Variants in MSL1 observed in about 807,000 individuals in gnomAD.
MSL1 encodes MSL complex subunit 1.
A neutral mutation model predicts 64.6 loss-of-function variants in MSL1; 21 were observed. The observed-to-expected ratio is 0.33, with a 90% CI of 0.23 to 0.47. The LOEUF (loss-of-function observed/expected upper bound fraction) is 0.47, where lower values mean the gene tolerates loss of function less well. Among genes scored for constraint, MSL1 ranks in the 20% least tolerant of loss-of-function variants. The probability of loss-of-function intolerance (pLI) is 1.00; values close to 1 mark genes in which losing one functional copy is unlikely to be tolerated. For missense variants in MSL1, 664 were observed against 793.2 expected, an observed-to-expected ratio of 0.84 and a Z score of 1.96; for synonymous variants, 339 against 329.6, an observed-to-expected ratio of 1.03 and a Z score of -0.31.
At chr17:40,127,674 C>T (rs575738426) in intron 2 of MSL1, among the ~76,000 whole-genome samples, 3 of 152,278 alleles carry the variant, frequency 2.0e-5, no homozygotes, top group South Asian at 4.1e-4. Flanking sequence ...GAGACAGGCT[C>T]TCACTTTGTT....
chr17:40,122,391 C>T lies in MSL1; in HGVS notation c.-222C>T. The T allele has an allele frequency of 3.1e-6, 1 of 317,974 alleles. No homozygotes were observed. The highest frequency in any genetic ancestry group is 5.0e-5 in the Admixed American group (1 of 19,966). 19.7% of individuals were successfully genotyped at this position (317,974 alleles called of 1,614,324 possible). ...CGGCAGCAGAGGCGGCGGCGAGGCC[C>T]CCATGGGCCGGCGGCGGGCCTCAGC... is the stretch of plus-strand genomic sequence containing the variant. On this transcript the variant is annotated 5_prime_UTR_variant, in exon 1 of 9. Transcript: ENST00000398532. This position sits in a 1 kb window ranked among gnomAD's most constrained non-coding sequence, Gnocchi z 4.2.
At chr17:40,126,122 A>G in intron 1 of MSL1, 61 bp from the exon 2 acceptor site, 1 of 1,454,946 alleles carries the variant, frequency 6.9e-7, no homozygotes, top group Non-Finnish European at 9.6e-7. Context: ...AAATGGGGCT[A>G]AGTATCTGTG....
chr17:40,122,587 G>A lies in MSL1; in HGVS notation c.-26G>A, dbSNP rs1360018046. 4 of 1,348,766 alleles carry A rather than the reference G, an allele frequency of 3.0e-6. No homozygotes were observed. Among genetic ancestry groups the A allele is most frequent in the Non-Finnish European group, 3.8e-6 (4 of 1,049,958 alleles). 83.5% of individuals were successfully genotyped at this position (1,348,766 alleles called of 1,614,324 possible). A position where few individuals can be genotyped will look rare whatever the true frequency, so the allele number is the denominator to read the frequency against. On this transcript the variant is annotated 5_prime_UTR_variant, in exon 1 of 9. Coordinates refer to ENST00000398532, the MANE Select transcript of MSL1 (RefSeq NM_001365919.1). This position sits in a 1 kb window ranked among gnomAD's most constrained non-coding sequence, Gnocchi z 4.2. ...CCTTCCCCACCCCCTCCTCCGCCTC[G>A]GTGCCCGGCGCTGCTCCGGACCACT...
At position 40,126,143 on chromosome 17, in the gene MSL1, T is replaced by G. The variant is rs774621775; in HGVS notation, c.769-40T>G. 3.8e-6 allele frequency: 6 copies of G among 1,585,114 alleles called. No individual in the cohort carries two copies. The Admixed American group carries it at 8.4e-5, about 22-fold the overall frequency. ...GGCTAAGTATCTGTGTGTTTAATTT[T>G]TTATGTGTTAAGTCTGCATTTTGCT... On this transcript the variant is annotated intron_variant, in intron 1 of 8. Coordinates refer to ENST00000398532, the MANE Select transcript of MSL1 (RefSeq NM_001365919.1).
At chr17:40,127,376 T>C (rs1988344186) in intron 2 of MSL1, among the ~76,000 whole-genome samples, 1 of 151,686 alleles carries the variant, frequency 6.6e-6, no homozygotes, top group Admixed American at 6.6e-5. Flanking sequence ...GGAACTGTCC[T>C]TGGACTCAAA....
Position 40,132,045 on chromosome 17 carries a change from AG to A in MSL1, c.1438del (p.Asp480ThrfsTer4). The A allele has an allele frequency of 6.3e-7, 1 of 1,596,512 alleles. No individual in the cohort carries two copies. The highest frequency in any genetic ancestry group is 1.1e-5 in the South Asian group (1 of 88,258). On this transcript the variant is annotated frameshift_variant, in exon 5 of 9. Transcript: ENST00000398532. LOFTEE classifies it high-confidence loss of function. Reference sequence around the variant, plus strand: ...CTCTTTTTTTTCAGTTCCTTCTTGGAGGGACCACTCAGTAGAGCCTCTAAGG... The same window carrying A: ...CTCTTTTTTTTCAGTTCCTTCTTGGAGGACCACTCAGTAGAGCCTCTAAGG... ...ETSVLAVPSW[R>X]DHSVEPLRDP...
chr17:40,133,656 A>T lies in MSL1; in HGVS notation c.1679A>T (p.Asp560Val). Residue 560 changes from aspartate (D) to valine (V), a missense_variant and splice_region_variant, in exon 7 of 9, where the codon GAT (aspartate) becomes GTT (valine). This residue lies in a region of MSL1 where 76 missense variants were observed against 98.5 expected (regional missense o/e 0.77). Coordinates refer to ENST00000398532, the MANE Select transcript of MSL1 (RefSeq NM_001365919.1). ...ACCTCATTTTTCCCTGAGCCAGATGATGGTAAGTTGTGTCCATCTAAAAGA... is the reference window on the plus strand; with the variant it reads ...ACCTCATTTTTCCCTGAGCCAGATGTTGGTAAGTTGTGTCCATCTAAAAGA... Reference protein sequence around the residue: ...EVTSFFPEPDDVESLMITPFL... With the variant: ...EVTSFFPEPDVVESLMITPFL... 1 of 1,613,672 alleles carries T rather than the reference A, an allele frequency of 6.2e-7. No homozygotes were observed. The highest frequency in any genetic ancestry group is 8.5e-7 in the Non-Finnish European group (1 of 1,179,778).
intron 1 of MSL1, among the ~76,000 whole-genome samples, chr17:40,124,183 G>A (rs1988259998): frequency 6.6e-6 from 1 of 152,138 alleles, no homozygotes; most frequent in African/African-American, 2.4e-5. Context: ...GTAGTTAAGG[G>A]CATCTCTGCG....
Position 40,133,842 on chromosome 17 carries a change from T to A in MSL1, c.1697T>A (p.Ile566Asn). The A allele has an allele frequency of 6.2e-7, 1 of 1,613,988 alleles. No homozygotes were observed. Among genetic ancestry groups the A allele is most frequent in the Non-Finnish European group, 8.5e-7 (1 of 1,179,876 alleles). ...PEPDDVESLM[I>N]TPFLPVVAFG... ...TCTCCCATAGTTGAAAGTTTGATGA[T>A]TACCCCCTTCTTGCCTGTTGTAGCA... The change falls in exon 8 of 9, where the codon ATT becomes AAT. Residue 566 changes from isoleucine to asparagine, a missense_variant. By Grantham distance (149) the Ile-to-Asn change is moderately radical. Transcript: ENST00000398532.
At position 40,134,756 on chromosome 17, in the gene MSL1, C is replaced by T. The variant is rs1988508712; in HGVS notation, c.*387C>T. The T allele has an allele frequency of 5.3e-6, 1 of 187,534 alleles. No homozygotes were observed. The highest frequency in any genetic ancestry group is 1.1e-5 in the Non-Finnish European group (1 of 89,692). 11.6% of individuals were successfully genotyped at this position (187,534 alleles called of 1,614,324 possible). On this transcript the variant is annotated 3_prime_UTR_variant, in exon 9 of 9. Transcript: ENST00000398532. ...TTTAGAGCTGTGCCTGCATGGCACT[C>T]TTCTCACCCTGGTACACCCTCCTTA...
At position 40,122,707 on chromosome 17, in the gene MSL1, G is replaced by C. The variant is rs747020454; in HGVS notation, c.95G>C (p.Gly32Ala). The stretch of plus-strand genomic sequence containing the variant: ...GACTACGAGCGGGCTGCGGCGCTGG[G>C]CGGGCCCGAGGACGAGCCTGGGGCG... ...RLDYERAAAL[G>A]GPEDEPGAAE... Residue 32 changes from glycine to alanine, a missense_variant, in exon 1 of 9, where the codon GGC becomes GCC. Physicochemically the swap from Gly to Ala is moderately conservative, Grantham distance 60. This residue lies in a region of MSL1 where 466 missense variants were observed against 499.0 expected (regional missense o/e 0.93). Coordinates refer to ENST00000398532, the MANE Select transcript of MSL1 (RefSeq NM_001365919.1). The surrounding 1 kb of genome is among the most constrained non-coding windows in gnomAD (Gnocchi z 4.2). The C allele has an allele frequency of 1.3e-6, 2 of 1,482,554 alleles. No homozygotes were observed. Among genetic ancestry groups the C allele is most frequent in the African/African-American group, 2.9e-5 (2 of 68,240 alleles). 91.8% of individuals were successfully genotyped at this position (1,482,554 alleles called of 1,614,324 possible). A position where few individuals can be genotyped will look rare whatever the true frequency, so the allele number is the denominator to read the frequency against.
Position 40,122,285 on chromosome 17 carries a change from G to A in MSL1, c.-328G>A, listed in dbSNP as rs1001263871. On this transcript the variant is annotated 5_prime_UTR_variant, in exon 1 of 9. Transcript: ENST00000398532. The surrounding 1 kb of genome is among the most constrained non-coding windows in gnomAD (Gnocchi z 4.2). ...GACGAGGCGGGCCCGGCCGGGCCAG[G>A]GGGGGCCGAAGCGAGCTCCGGGGAT... The A allele has an allele frequency of 1.3e-5, 2 of 155,670 alleles. No homozygotes were observed. The highest frequency in any genetic ancestry group is 2.8e-5 in the Non-Finnish European group (2 of 70,890). 9.6% of individuals were successfully genotyped at this position (155,670 alleles called of 1,614,324 possible).
At position 40,132,145 on chromosome 17, in the gene MSL1, G is replaced by C. The variant is rs114188765; in HGVS notation, c.1488+47G>C. The C allele has an allele frequency of 8.7e-4, 1,150 of 1,321,418 alleles. 4 individuals are homozygous for C. The African/African-American group carries it at 0.015, about 17-fold the overall frequency. 81.9% of individuals were successfully genotyped at this position (1,321,418 alleles called of 1,614,324 possible). A position where few individuals can be genotyped will look rare whatever the true frequency, so the allele number is the denominator to read the frequency against. On this transcript the variant is annotated intron_variant, in intron 5 of 8. Coordinates refer to ENST00000398532, the MANE Select transcript of MSL1 (RefSeq NM_001365919.1). ...ATTGAAGAGAGTAAGAGATTAAATA[G>C]AATGTGAGGGTATAACTGGAAAATG...
chr17:40,131,607 T>C lies in MSL1; in HGVS notation c.1423+23T>C. ...CTGGTGAGTAGAATAGGAATTGTGC[T>C]GGCTGGGCCTGGGGTGGGGGTTGGT... On this transcript the variant is annotated intron_variant, in intron 4 of 8. Transcript: ENST00000398532. This position sits in a 1 kb window ranked among gnomAD's most constrained non-coding sequence, Gnocchi z 4.5. The C allele has an allele frequency of 8.7e-6, 14 of 1,611,330 alleles. No individual in the cohort carries two copies. The highest frequency in any genetic ancestry group is 1.1e-5 in the Non-Finnish European group (13 of 1,177,556).
chr17:40,133,204 A>T, intron 6 of MSL1, 95 bp downstream of exon 6: 1 of 1,132,242 alleles, frequency 8.8e-7, no homozygotes, highest in Non-Finnish European at 1.3e-6. Flanking sequence ...TGCTGTGGAG[A>T]ATCTTGGAGT....
chr17:40,132,495 G>A (rs565241441), intron 5 of MSL1, among the ~76,000 whole-genome samples: 2 of 151,758 alleles, frequency 1.3e-5, no homozygotes, highest in African/African-American at 2.4e-5. Flanking sequence ...AAAATTAGCC[G>A]GGCGTGGTGG....
chr17:40,133,724 A>T, intron 7 of MSL1, 66 bp downstream of exon 7: 1 of 1,611,352 alleles, frequency 6.2e-7, no homozygotes, highest in Non-Finnish European at 8.5e-7. Flanking sequence ...GCTCCAGGGT[A>T]CAACTTGCTC....
At position 40,126,236 on chromosome 17, in the gene MSL1, T is replaced by C. The variant is rs745872785; in HGVS notation, c.822T>C (p.Asp274=). The C allele has an allele frequency of 6.2e-7, 1 of 1,613,946 alleles. No homozygotes were observed. Among genetic ancestry groups the C allele is most frequent in the South Asian group, 1.1e-5 (1 of 91,086 alleles). The part of the protein sequence containing the change: ...MERRMQLVKK[D]NEKERHKLFQ... ...GGCGGATGCAGCTGGTAAAGAAGGA[T>C]AACGAGAAAGAAAGGCACAAGCTGT... Residue 274 remains aspartate (D), a synonymous_variant, in exon 2 of 9, where the codon GAT becomes GAC. Transcript: ENST00000398532.
intron 6 of MSL1, 53 bp from the exon 7 acceptor site, chr17:40,133,481 T>G (rs1026940210): frequency 1.7e-5 from 26 of 1,569,720 alleles, no homozygotes; most frequent in Admixed American, 5.8e-5. Flanking sequence ...GAGCAGGTTT[T>G]GGGTAAACAG....
Sources: gnomAD v4.1 joint callset for allele counts (sites outside exome capture counted in the v4.1 genomes callset) on GRCh38, gnomAD v4.1.1 for gene constraint, gnomAD v4.1.1 regional missense constraint, Gnocchi (gnomAD v3.1) non-coding constraint, MANE v1.5 for transcripts, NCBI Gene and HGNC (gene_info 2026-07-23, HGNC 2026-07-21) for gene names.